The following KCNH8 variants were observed in gnomAD, a reference collection of about 807,000 sequenced individuals.
KCNH8 encodes voltage-gated delayed rectifier potassium channel KCNH8.
In KCNH8, 70 loss-of-function variants were observed where a neutral mutation model predicts 103.6. The observed-to-expected ratio is 0.68, with a 90% CI of 0.56 to 0.82. KCNH8 has a LOEUF of 0.82. Ranked by LOEUF, KCNH8 falls within the 40% of genes least tolerant of loss-of-function variation. The pLI, the probability that KCNH8 is intolerant of heterozygous loss-of-function variation, is 0.00. For missense variants in KCNH8, 1,217 were observed against 1,329.9 expected (o/e 0.92, Z 1.32); for synonymous variants, 498 against 489.4 (o/e 1.02, Z -0.23).
At chr3:19,186,847 G>A (rs927531918) in intron 1 of KCNH8, among the ~76,000 whole-genome samples, 1 of 151,962 alleles carries the variant, frequency 6.6e-6, no homozygotes, top group Non-Finnish European at 1.5e-5. Flanking sequence ...TTTCAATGGA[G>A]ACACCCAGTA....
At chr3:19,437,438 T>C (rs1414385732) in intron 7 of KCNH8, among the ~76,000 whole-genome samples, 1 of 152,198 alleles carries the variant, frequency 6.6e-6, no homozygotes, top group African/African-American at 2.4e-5. Context: ...TATACATATT[T>C]ATAAAGCATT....
chr3:19,185,248 T>A (rs1030323601), intron 1 of KCNH8, among the ~76,000 whole-genome samples: 1 of 151,940 alleles, frequency 6.6e-6, no homozygotes, highest in African/African-American at 2.4e-5. Context: ...TTTCTATCAG[T>A]AATATTTTCA....
chr3:19,490,969 C>A (rs2068307331), intron 11 of KCNH8, among the ~76,000 whole-genome samples: 1 of 152,078 alleles, frequency 6.6e-6, no homozygotes, highest in Admixed American at 6.6e-5. Flanking sequence ...TCACTTCTAG[C>A]TTTAAAATGC....
intron 1 of KCNH8, among the ~76,000 whole-genome samples, chr3:19,182,849 G>A (rs2063468579): frequency 6.6e-6 from 1 of 152,142 alleles, no homozygotes; most frequent in South Asian, 2.1e-4. Context: ...TTTTTTTCGT[G>A]AGAAATGCAT....
At chr3:19,180,366 T>A (rs1278440045) in intron 1 of KCNH8, among the ~76,000 whole-genome samples, 1 of 152,028 alleles carries the variant, frequency 6.6e-6, no homozygotes, top group Non-Finnish European at 1.5e-5. Context: ...GAGACATGCT[T>A]CTTGTTGAAA....
chr3:19,429,685 C>G (rs1322485928), intron 7 of KCNH8, among the ~76,000 whole-genome samples: 5 of 152,076 alleles, frequency 3.3e-5, no homozygotes, highest in African/African-American at 1.2e-4. Flanking sequence ...GGTATTAAGC[C>G]TAGTACCCAT....
chr3:19,240,636 A>G (rs187802544), intron 1 of KCNH8, among the ~76,000 whole-genome samples: 5 of 151,858 alleles, frequency 3.3e-5, no homozygotes, highest in East Asian at 3.9e-4. Context: ...AACAAAAAAA[A>G]CTTCGGAATC....
chr3:19,289,722 A>C (rs2064890166), intron 3 of KCNH8, among the ~76,000 whole-genome samples: 1 of 152,100 alleles, frequency 6.6e-6, no homozygotes. Flanking sequence ...TTGACTTGGC[A>C]ACTCGGGCTC....
rs73048566 is a variant in KCNH8 at position 19,295,888 on chromosome 3, G to A, written c.442+14559G>A. The stretch of plus-strand genomic sequence containing the variant: ...TGGGAAACACTAAGTACCCTGAATG[G>A]GAAAGATAGGGTCCCCAGTTTTGGG... On this transcript the variant is annotated intron_variant, in intron 3 of 15. Transcript: ENST00000328405. Among the ~76,000 whole-genome samples the A allele has an allele frequency of 5.4e-3, 819 of 152,214 alleles. 5 individuals carry two copies. The highest frequency in any genetic ancestry group is 0.02 in the Middle Eastern group (6 of 294).
chr3:19,219,422 TG>T (rs1409967532), intron 1 of KCNH8, among the ~76,000 whole-genome samples: 1 of 152,182 alleles, frequency 6.6e-6, no homozygotes, highest in African/African-American at 2.4e-5. Context: ...GAGGGGTCTT[TG>T]TCTTTTTTTA....
intron 3 of KCNH8, among the ~76,000 whole-genome samples, chr3:19,288,280 C>A (rs1187196913): frequency 7.1e-6 from 1 of 140,552 alleles, no homozygotes; most frequent in Non-Finnish European, 1.5e-5. Context: ...GCACAACATG[C>A]AGGTTTGTTA....
chr3:19,483,783 G>A (rs189981531), intron 11 of KCNH8, among the ~76,000 whole-genome samples: 1 of 152,162 alleles, frequency 6.6e-6, no homozygotes, highest in African/African-American at 2.4e-5. Flanking sequence ...AAGGTCACAC[G>A]TTCCCCTTTT....
intron 5 of KCNH8, among the ~76,000 whole-genome samples, chr3:19,384,216 CAGAT>C (rs2125126770): frequency 6.6e-6 from 1 of 152,286 alleles, no homozygotes; most frequent in African/African-American, 2.4e-5. Context: ...AGCAAGATCA[CAGAT>C]AGTGTGTATT....
At chr3:19,368,233 C>T (rs1559495014) in intron 5 of KCNH8, among the ~76,000 whole-genome samples, 1 of 151,980 alleles carries the variant, frequency 6.6e-6, no homozygotes, top group African/African-American at 2.4e-5. Context: ...GAAGCCCATA[C>T]AATGATTAGG....
In KCNH8 at chr3:19,259,874, G is replaced by C. The variant is rs2064405971; in HGVS notation, c.310+5987G>C. 2.6e-5 allele frequency among the ~76,000 whole-genome samples: 4 copies of C among 151,664 alleles called. No homozygotes were observed. The South Asian group carries it at 8.3e-4, about 32-fold the overall frequency. On this transcript the variant is annotated intron_variant, in intron 2 of 15. Transcript: ENST00000328405. ...TTTTTTAAGGGAGAATGCCTCCAAA[G>C]GGGGAACCTCTATTTACAAGCTGGA...
chr3:19,248,643 A>T (rs374155622), intron 1 of KCNH8, among the ~76,000 whole-genome samples: 1 of 152,220 alleles, frequency 6.6e-6, no homozygotes, highest in African/African-American at 2.4e-5. Flanking sequence ...ACTGAGTTTT[A>T]ATCTCCAGCA....
intron 15 of KCNH8, among the ~76,000 whole-genome samples, chr3:19,525,224 A>G (rs948434992): frequency 3.3e-5 from 5 of 151,814 alleles, no homozygotes; most frequent in Non-Finnish European, 5.9e-5. Flanking sequence ...AATCAAAATA[A>G]AAAAAGAAAT....
chr3:19,374,219 T>TCC (rs1268872879), intron 5 of KCNH8, among the ~76,000 whole-genome samples: 2 of 151,190 alleles, frequency 1.3e-5, no homozygotes. Flanking sequence ...TGTTAAAGTC[T>TCC]CCCATTATTA....
intron 11 of KCNH8, among the ~76,000 whole-genome samples, chr3:19,483,467 G>A (rs1222782477): frequency 2.6e-5 from 4 of 152,070 alleles, no homozygotes; most frequent in Non-Finnish European, 5.9e-5. Context: ...AATTGTCAGG[G>A]TGATTTTTCT....
Sources: gnomAD v4.1 joint callset for allele counts (sites outside exome capture counted in the v4.1 genomes callset) on GRCh38, gnomAD v4.1.1 for gene constraint, MANE v1.5 for transcripts, NCBI Gene and HGNC (gene_info 2026-07-23, HGNC 2026-07-21) for gene names.